TP63: variants seen among roughly 807,000 people sequenced by gnomAD.
TP63 encodes the protein tumor protein p63, also known as tumor protein 63.
In TP63, 17 loss-of-function variants were observed where a neutral mutation model predicts 82.8. The ratio of observed to expected loss-of-function variants is 0.21; its 90% CI spans 0.14 to 0.31. The LOEUF is 0.31. Ranked by LOEUF, TP63 falls within the 10% of genes least tolerant of loss-of-function variation. The probability of loss-of-function intolerance (pLI) is 1.00; values close to 1 mark genes in which losing one functional copy is unlikely to be tolerated. For synonymous variants in TP63, 330 were observed against 321.7 expected, an observed-to-expected ratio of 1.03 and a Z score of -0.28; for missense variants, 648 against 895.3, an observed-to-expected ratio of 0.72 and a Z score of 3.52.
chr3:189,840,345 T>TTTTTGC (rs1320826597), intron 4 of TP63, among the ~76,000 whole-genome samples: 3 of 148,712 alleles, frequency 2.0e-5, no homozygotes, highest in Admixed American at 1.4e-4. Flanking sequence ...AGTTTTTTCT[T>TTTTTGC]TTTTGCTTTT....
intron 1 of TP63, among the ~76,000 whole-genome samples, chr3:189,691,508 G>A (rs1324884702): frequency 6.6e-6 from 1 of 152,068 alleles, no homozygotes; most frequent in Non-Finnish European, 1.5e-5. Context: ...AACATCTCTG[G>A]CCTCTTTCCA....
At chr3:189,711,412 A>G (rs997451085) in intron 1 of TP63, among the ~76,000 whole-genome samples, 2 of 152,188 alleles carry the variant, frequency 1.3e-5, no homozygotes, top group African/African-American at 2.4e-5. Context: ...TTAGTAAGAC[A>G]AGGCTGCTAA....
chr3:189,720,159 T>C (rs561662791), intron 1 of TP63, among the ~76,000 whole-genome samples: 2 of 152,156 alleles, frequency 1.3e-5, no homozygotes, highest in Non-Finnish European at 1.5e-5. Flanking sequence ...CTCTTTGTTT[T>C]GTAGGTAGAC....
chr3:189,612,778 A>G, the TP63 span, among the ~76,000 whole-genome samples: 8 of 152,236 alleles, frequency 5.3e-5, no homozygotes, highest in Admixed American at 5.2e-4. Context: ...GTGGTTTCAA[A>G]TGGAAATGAG....
At chr3:189,743,301 T>C (rs1402019564) in intron 3 of TP63, among the ~76,000 whole-genome samples, 3 of 152,188 alleles carry the variant, frequency 2.0e-5, no homozygotes, top group African/African-American at 4.8e-5. Flanking sequence ...AATTTAATGA[T>C]AATAACCAAT....
intron 10 of TP63, among the ~76,000 whole-genome samples, chr3:189,874,268 C>T (rs1323466159): frequency 1.3e-5 from 2 of 152,126 alleles, no homozygotes; most frequent in African/African-American, 4.8e-5. Flanking sequence ...GATGGGGTTT[C>T]ACCATGTTAG....
chr3:189,866,469 T>G (rs1717739275), intron 5 of TP63, among the ~76,000 whole-genome samples: 1 of 152,220 alleles, frequency 6.6e-6, no homozygotes. Flanking sequence ...ACTGTAGATG[T>G]GCATTCCAGC....
At chr3:189,665,107 T>C (rs1010150713) in intron 1 of TP63, among the ~76,000 whole-genome samples, 12 of 152,166 alleles carry the variant, frequency 7.9e-5, no homozygotes, top group Non-Finnish European at 1.8e-4. Flanking sequence ...TTCTCATTAT[T>C]TTACACTTAC....
At chr3:189,729,977 A>T (rs927571579) in intron 1 of TP63, among the ~76,000 whole-genome samples, 5 of 152,168 alleles carry the variant, frequency 3.3e-5, no homozygotes, top group African/African-American at 1.2e-4. Flanking sequence ...AAGTATTGGA[A>T]TGTTTTCTGA....
chr3:189,676,195 C>A (rs1410950139), intron 1 of TP63, among the ~76,000 whole-genome samples: 2 of 152,034 alleles, frequency 1.3e-5, no homozygotes, highest in African/African-American at 2.4e-5. Flanking sequence ...ACTCTCTTAG[C>A]AAGTTTCAAG....
the TP63 span, among the ~76,000 whole-genome samples, chr3:189,607,965 C>A: frequency 6.6e-6 from 1 of 151,998 alleles, no homozygotes; most frequent in Admixed American, 6.6e-5. Flanking sequence ...AGAAAGTGTA[C>A]TAGACTTGAG....
intron 1 of TP63, among the ~76,000 whole-genome samples, chr3:189,690,403 C>T (rs965601787): frequency 5.3e-5 from 8 of 152,144 alleles, no homozygotes; most frequent in Non-Finnish European, 7.4e-5. Context: ...CAACTCAGGA[C>T]GTCTATTTCT....
In TP63 at chr3:189,895,293, A is replaced by T. The variant is rs1721385150; in HGVS notation, c.*791A>T. On this transcript the variant is annotated 3_prime_UTR_variant, in exon 14 of 14. Transcript: ENST00000264731. ...TTAGTTTTTGGTTGGGAATGAGGAA[A>T]ATTCTTAAAAGGCCCATAGCAGCCA... 2 of 220,632 alleles carry T rather than the reference A, an allele frequency of 9.1e-6. No individual in the cohort carries two copies. The highest frequency in any genetic ancestry group is 3.7e-4 in the South Asian group (2 of 5,416). The allele number at this position is 220,632 out of a possible 1,614,324, so 13.7% of individuals were successfully genotyped here. A position where few individuals can be genotyped will look rare whatever the true frequency, so the allele number is the denominator to read the frequency against.
intron 1 of TP63, among the ~76,000 whole-genome samples, chr3:189,725,593 C>T (rs563573358): frequency 1.3e-5 from 2 of 152,112 alleles, no homozygotes; most frequent in Admixed American, 1.3e-4. Flanking sequence ...ATATATATTT[C>T]CTTCACTTTG....
chr3:189,602,888 G>C, the TP63 span, among the ~76,000 whole-genome samples: 1 of 152,228 alleles, frequency 6.6e-6, no homozygotes, highest in Non-Finnish European at 1.5e-5. Context: ...TAATGGCATA[G>C]AGCTAGTGTT....
At chr3:189,639,891 T>C (rs148678111) in intron 1 of TP63, among the ~76,000 whole-genome samples, 1 of 152,304 alleles carries the variant, frequency 6.6e-6, no homozygotes, top group African/African-American at 2.4e-5. Flanking sequence ...AAGTATATTA[T>C]GCCTTAAGAC....
chr3:189,688,033 A>G (rs1716588428), intron 1 of TP63, among the ~76,000 whole-genome samples: 2 of 151,790 alleles, frequency 1.3e-5, no homozygotes, highest in African/African-American at 4.8e-5. Context: ...TTGCTCATCT[A>G]TTACAGCTTT....
intron 6 of TP63, among the ~76,000 whole-genome samples, chr3:189,867,349 T>C (rs1717855671): frequency 2.0e-5 from 3 of 152,208 alleles, no homozygotes; most frequent in South Asian, 2.1e-4. Context: ...TACCCGTACG[T>C]ATGTACTTTG....
At chr3:189,825,955 C>T (rs1729307174) in intron 4 of TP63, among the ~76,000 whole-genome samples, 1 of 152,122 alleles carries the variant, frequency 6.6e-6, no homozygotes, top group Non-Finnish European at 1.5e-5. Flanking sequence ...TCTCTCTCCC[C>T]CACTTGCTTC....
Sources: gnomAD v4.1 joint callset for allele counts (sites outside exome capture counted in the v4.1 genomes callset) on GRCh38, gnomAD v4.1.1 for gene constraint, MANE v1.5 for transcripts, NCBI Gene and HGNC (gene_info 2026-07-23, HGNC 2026-07-21) for gene names.